The following XG variants were observed in gnomAD, a reference collection of about 807,000 sequenced individuals.
XG encodes glycoprotein Xg.
A neutral mutation model predicts 25.7 loss-of-function variants in XG; 24 were observed. The ratio of observed to expected loss-of-function variants is 0.93; its 90% CI spans 0.68 to 1.31. XG has a LOEUF of 1.31. XG is among the 40% of genes most tolerant of loss of function. XG has a pLI of 0.00. For missense variants in XG, 181 were observed against 187.6 expected, an observed-to-expected ratio of 0.96 and a Z score of 0.21; for synonymous variants, 77 against 69.2, an observed-to-expected ratio of 1.11 and a Z score of -0.56.
chrX:2,770,021 GGGT>G (rs952849753), intron 1 of XG, among the ~76,000 whole-genome samples: 54 of 145,370 alleles, frequency 3.7e-4, no homozygotes, highest in Non-Finnish European at 4.1e-4. Context: ...GTGTGTGGAG[GGGT>G]GGGGGGGGCG....
At chrX:2,765,065 A>AT (rs1198885838) in intron 1 of XG, among the ~76,000 whole-genome samples, 1 of 143,012 alleles carries the variant, frequency 7.0e-6, no homozygotes, top group South Asian at 2.2e-4. Flanking sequence ...AAAAAAAAAA[A>AT]GGCTAGGCAC....
At position 2,771,599 on chromosome X, in the gene XG, C is replaced by T. The variant is rs187680084; in HGVS notation, c.103+1008C>T. ...AAAGGGAAAGATTTGGTTTCTGATG[C>T]AGGCACAATGGAACCAAACATTTAT... On this transcript the variant is annotated intron_variant, in intron 2 of 10. Transcript: ENST00000644266. Among the ~76,000 whole-genome samples the T allele has an allele frequency of 5.6e-4, 85 of 152,284 alleles. No individual in the cohort carries two copies. In the East Asian group the frequency reaches 0.013, roughly 23 times the overall value.
chrX:2,801,448 G>C (rs2086936401), intron 7 of XG, among the ~76,000 whole-genome samples: 1 of 111,434 alleles, frequency 9.0e-6, no homozygotes, highest in South Asian at 3.8e-4. Context: ...ATTTACATAG[G>C]GCTTACAGAC....
intron 2 of XG, among the ~76,000 whole-genome samples, chrX:2,771,165 T>C (rs2050809938): frequency 6.6e-6 from 1 of 152,056 alleles, no homozygotes; most frequent in South Asian, 2.1e-4. Context: ...AGTTTCTGCT[T>C]TTCTTACACT....
intron 5 of XG, 84 bp downstream of exon 5, chrX:2,789,790 TTA>T (rs2086820653): frequency 8.8e-6 from 4 of 456,386 alleles, no homozygotes; most frequent in Non-Finnish European, 1.3e-5. Context: ...TTATTTTACT[TTA>T]TTTTACCATT....
chrX:2,752,900 T>C, intron 1 of XG: 1 of 985,290 alleles, frequency 1.0e-6, no homozygotes, highest in South Asian at 4.7e-5. Flanking sequence ...ACTTGCAGGC[T>C]GGCTGTCCCA....
intron 9 of XG, 61 bp downstream of exon 9, chrX:2,808,281 C>T: frequency 1.7e-6 from 2 of 1,162,164 alleles, no homozygotes; most frequent in Non-Finnish European, 2.3e-6. Flanking sequence ...TAGATCAGTG[C>T]TGGGAGGAGC....
At chrX:2,768,346 C>T (rs1225654233) in intron 1 of XG, among the ~76,000 whole-genome samples, 2 of 152,164 alleles carry the variant, frequency 1.3e-5, no homozygotes, top group Non-Finnish European at 2.9e-5. Context: ...TTAACTTTGG[C>T]GTCCTGGACA....
At chrX:2,777,930 G>A (rs1379209961) in intron 3 of XG, among the ~76,000 whole-genome samples, 2 of 152,172 alleles carry the variant, frequency 1.3e-5, no homozygotes, top group Admixed American at 6.5e-5. Flanking sequence ...TGCTATTTAC[G>A]AGAGAAGCAT....
intron 7 of XG, among the ~76,000 whole-genome samples, chrX:2,806,339 CT>C (rs950663466): frequency 5.4e-5 from 6 of 110,713 alleles, no homozygotes; most frequent in Non-Finnish European, 1.1e-4. Flanking sequence ...TGGAGGAACT[CT>C]TTTTTTTTAA....
intron 3 of XG, among the ~76,000 whole-genome samples, chrX:2,775,160 G>T (rs771178561): frequency 5.9e-5 from 9 of 152,232 alleles, no homozygotes; most frequent in African/African-American, 1.9e-4. Flanking sequence ...CGGGTTCCAA[G>T]AAAAATGTGT....
intron 3 of XG, among the ~76,000 whole-genome samples, chrX:2,780,257 T>A (rs1378227024): frequency 6.6e-6 from 1 of 151,852 alleles, no homozygotes; most frequent in African/African-American, 2.4e-5. Flanking sequence ...AAGAGGGATA[T>A]GATCATTCCA....
chrX:2,788,788 GA>G (rs1241456026), intron 4 of XG, among the ~76,000 whole-genome samples: 1 of 110,406 alleles, frequency 9.1e-6, no homozygotes, highest in African/African-American at 3.3e-5. Context: ...CCAGGAGGCA[GA>G]GGTTGCCGTG....
At chrX:2,773,590 GGAAGGAGA>G (rs1368923044) in intron 2 of XG, among the ~76,000 whole-genome samples, 16 of 65,600 alleles carry the variant, frequency 2.4e-4, no homozygotes, top group Non-Finnish European at 4.2e-4. Flanking sequence ...AGAGAAGGAA[GGAAGGAGA>G]GAAGGAAGGA....
chrX:2,765,277 G>C (rs1489764169), intron 1 of XG, among the ~76,000 whole-genome samples: 1 of 151,736 alleles, frequency 6.6e-6, no homozygotes, highest in African/African-American at 2.4e-5. Context: ...ATTGAACCTG[G>C]GGGGCAGAGG....
At chrX:2,783,144 C>A (rs1970797) in intron 4 of XG, among the ~76,000 whole-genome samples, 74 of 110,193 alleles carry the variant, frequency 6.7e-4, no homozygotes, top group Non-Finnish European at 1.1e-3. Context: ...CAAGTCCTTT[C>A]TCTCACTTGT....
At chrX:2,753,550 G>A (rs1177604471) in intron 1 of XG, among the ~76,000 whole-genome samples, 3 of 151,886 alleles carry the variant, frequency 2.0e-5, no homozygotes, top group Non-Finnish European at 4.4e-5. Context: ...CAGTACAAAC[G>A]AAAACTGTAC....
intron 7 of XG, among the ~76,000 whole-genome samples, chrX:2,801,813 A>G (rs1279320510): frequency 2.7e-5 from 3 of 110,788 alleles, no homozygotes; most frequent in Non-Finnish European, 5.7e-5. Flanking sequence ...GGTTCACGCC[A>G]TTCTCCTGCC....
At chrX:2,809,858 G>A (rs1313655787) in intron 9 of XG, among the ~76,000 whole-genome samples, 1 of 112,094 alleles carries the variant, frequency 8.9e-6, no homozygotes, top group Non-Finnish European at 1.9e-5. Flanking sequence ...ATCACATGGT[G>A]ACCAGACAGG....
Sources: allele counts gnomAD v4.1 joint callset (sites outside exome capture counted in the v4.1 genomes callset), GRCh38; gene constraint gnomAD v4.1.1; transcripts MANE v1.5; gene names NCBI Gene and HGNC (gene_info 2026-07-23, HGNC 2026-07-21).